Variants in ADAMTS3 observed in about 807,000 individuals in gnomAD.
ADAMTS3 encodes the protein A disintegrin and metalloproteinase with thrombospondin motifs 3.
A neutral mutation model predicts 129.0 loss-of-function variants in ADAMTS3; 73 were observed. That is an observed-to-expected ratio of 0.57 (90% CI 0.47 to 0.69). The LOEUF is 0.69. Among genes scored for constraint, ADAMTS3 ranks in the 30% least tolerant of loss-of-function variants. The pLI is 0.00. For missense variants in ADAMTS3, 1,457 were observed against 1,514.5 expected, an observed-to-expected ratio of 0.96 and a Z score of 0.63; for synonymous variants, 477 against 510.8, an observed-to-expected ratio of 0.93 and a Z score of 0.89.
intron 3 of ADAMTS3, among the ~76,000 whole-genome samples, chr4:72,495,809 A>G (rs1719860126): frequency 6.6e-6 from 1 of 152,188 alleles, no homozygotes; most frequent in Admixed American, 6.5e-5. Flanking sequence ...TGGAATATAT[A>G]TTTAAGCCTG....
intron 16 of ADAMTS3, 46 bp downstream of exon 16, chr4:72,305,941 T>C: frequency 1.4e-6 from 2 of 1,479,300 alleles, no homozygotes; most frequent in Non-Finnish European, 1.9e-6. Flanking sequence ...GACATTTCAA[T>C]GTTTCAGTGC....
chr4:72,291,243 T>C (rs1331712908), intron 19 of ADAMTS3, among the ~76,000 whole-genome samples, 181 bp from the exon 20 acceptor site: 1 of 152,060 alleles, frequency 6.6e-6, no homozygotes, highest in Non-Finnish European at 1.5e-5. Flanking sequence ...AATAGTAGGC[T>C]GAAACTTTTA....
intron 3 of ADAMTS3, among the ~76,000 whole-genome samples, chr4:72,475,851 T>C (rs1719215603): frequency 6.6e-6 from 1 of 152,040 alleles, no homozygotes; most frequent in Admixed American, 6.6e-5. Context: ...TGTCCCCACT[T>C]AGAAAGTAAA....
intron 4 of ADAMTS3, among the ~76,000 whole-genome samples, chr4:72,374,596 T>A (rs1721092404): frequency 6.6e-6 from 1 of 152,206 alleles, no homozygotes; most frequent in African/African-American, 2.4e-5. Context: ...TTATATTTTT[T>A]TCCTTACACT....
chr4:72,474,772 A>G (rs1278742199), intron 3 of ADAMTS3, among the ~76,000 whole-genome samples: 1 of 152,150 alleles, frequency 6.6e-6, no homozygotes, highest in Non-Finnish European at 1.5e-5. Context: ...CACGCCTGTA[A>G]TCCCAGCACT....
chr4:72,330,402 C>T (rs1326499836), intron 5 of ADAMTS3: 2 of 152,052 alleles, frequency 1.3e-5, no homozygotes, highest in African/African-American at 2.4e-5. Flanking sequence ...ACAGGACTAT[C>T]TATTTGGAAG....
chr4:72,534,069 T>C (rs907453602), intron 3 of ADAMTS3, among the ~76,000 whole-genome samples: 5 of 152,136 alleles, frequency 3.3e-5, no homozygotes, highest in African/African-American at 1.2e-4. Flanking sequence ...GGCTCACGCC[T>C]GTAATCCCAG....
At chr4:72,416,842 G>C (rs1211425438) in intron 3 of ADAMTS3, among the ~76,000 whole-genome samples, 1 of 151,864 alleles carries the variant, frequency 6.6e-6, no homozygotes, top group Non-Finnish European at 1.5e-5. Context: ...GCCTTCTCAG[G>C]CATTAATTAA....
intron 5 of ADAMTS3, among the ~76,000 whole-genome samples, chr4:72,324,244 G>T (rs1560473048): frequency 6.6e-6 from 1 of 152,256 alleles, no homozygotes; most frequent in East Asian, 1.9e-4. Flanking sequence ...ATTGAAGAAT[G>T]CTCTAAAACA....
chr4:72,440,882 C>G (rs7697172), intron 3 of ADAMTS3, among the ~76,000 whole-genome samples: 1 of 151,700 alleles, frequency 6.6e-6, no homozygotes, highest in Non-Finnish European at 1.5e-5. Context: ...AGAAAAATTA[C>G]TATTACTTTT....
intron 3 of ADAMTS3, among the ~76,000 whole-genome samples, chr4:72,486,421 A>G (rs1182270816): frequency 6.6e-6 from 1 of 152,196 alleles, no homozygotes; most frequent in Admixed American, 6.5e-5. Flanking sequence ...TCTGGCTCCT[A>G]CTTAAAAAAT....
intron 10 of ADAMTS3, among the ~76,000 whole-genome samples, chr4:72,317,005 A>C (rs72862340): frequency 0.058 from 8,854 of 152,042 alleles, 872 homozygotes; most frequent in African/African-American, 0.2. Flanking sequence ...TATAATATCC[A>C]AATGTTTGTA....
At chr4:72,483,191 G>A (rs1317775264) in intron 3 of ADAMTS3, among the ~76,000 whole-genome samples, 1 of 151,860 alleles carries the variant, frequency 6.6e-6, no homozygotes, top group Non-Finnish European at 1.5e-5. Context: ...CATATTGGAA[G>A]GGAAGAAATA....
rs1578735162 is a variant in ADAMTS3 at position 72,497,757 on chromosome 4, A to AAT, written c.504+50720_504+50721insAT. Among the ~76,000 whole-genome samples the AAT allele has an allele frequency of 3.3e-5, 5 of 151,270 alleles. No homozygotes were observed. In the South Asian group the frequency reaches 1.0e-3, roughly 32 times the overall value. ...GATTAATGATTATCATCAGAAAAAA[A>AAT]GTCTATTTACATTAACATAAAAACT... On this transcript the variant is annotated intron_variant, in intron 3 of 21. Coordinates refer to ENST00000286657, the MANE Select transcript of ADAMTS3 (RefSeq NM_014243.3).
At chr4:72,311,770 T>A (rs1451449248) in intron 13 of ADAMTS3, among the ~76,000 whole-genome samples, 2 of 152,156 alleles carry the variant, frequency 1.3e-5, no homozygotes, top group Admixed American at 1.3e-4. Context: ...GGCAAAAAGT[T>A]GCCATTGGAC....
intron 3 of ADAMTS3, among the ~76,000 whole-genome samples, chr4:72,477,093 C>A (rs146369911): frequency 1.3e-5 from 2 of 152,168 alleles, no homozygotes; most frequent in South Asian, 4.1e-4. Flanking sequence ...TGGTAAAAGA[C>A]TCAAGACTTT....
intron 3 of ADAMTS3, among the ~76,000 whole-genome samples, chr4:72,436,506 G>A (rs1240445938): frequency 6.6e-6 from 1 of 152,106 alleles, no homozygotes; most frequent in Non-Finnish European, 1.5e-5. Flanking sequence ...CCATTACTGG[G>A]TATATACCCA....
At chr4:72,491,057 G>A (rs1409904058) in intron 3 of ADAMTS3, among the ~76,000 whole-genome samples, 1 of 151,742 alleles carries the variant, frequency 6.6e-6, no homozygotes, top group Non-Finnish European at 1.5e-5. Context: ...TTATTTCTAA[G>A]TATTTTATTC....
At chr4:72,324,887 A>G (rs1321200385) in intron 5 of ADAMTS3, among the ~76,000 whole-genome samples, 1 of 152,148 alleles carries the variant, frequency 6.6e-6, no homozygotes, top group Admixed American at 6.5e-5. Context: ...AATGGTTAAA[A>G]GCCTGAATGT....
Sources: allele counts gnomAD v4.1 joint callset (sites outside exome capture counted in the v4.1 genomes callset), GRCh38; gene constraint gnomAD v4.1.1; transcripts MANE v1.5; gene names NCBI Gene and HGNC (gene_info 2026-07-23, HGNC 2026-07-21).